PLCE1: variants seen among roughly 807,000 people sequenced by gnomAD.
PLCE1 encodes the protein phospholipase C epsilon 1, also known as 1-phosphatidylinositol 4,5-bisphosphate phosphodiesterase epsilon-1.
A neutral mutation model predicts 242.8 loss-of-function variants in PLCE1; 119 were observed. The ratio of observed to expected loss-of-function variants is 0.49; its 90% CI spans 0.42 to 0.57. PLCE1 has a LOEUF of 0.57. PLCE1 is among the 20% of genes least tolerant of loss of function. The pLI, the probability that PLCE1 is intolerant of heterozygous loss-of-function variation, is 0.00. For synonymous variants in PLCE1, 945 were observed against 1,017.4 expected (o/e 0.93, Z 1.35); for missense variants, 2,441 against 2,788.8 (o/e 0.88, Z 2.81).
At chr10:94,228,337 A>T (rs2137195503) in intron 5 of PLCE1, among the ~76,000 whole-genome samples, 1 of 152,340 alleles carries the variant, frequency 6.6e-6, no homozygotes, top group Middle Eastern at 3.4e-3. Flanking sequence ...TCCAGGAATC[A>T]AATCCTGATT....
intron 13 of PLCE1, among the ~76,000 whole-genome samples, chr10:94,261,813 T>C (rs1274987028): frequency 6.6e-6 from 1 of 152,148 alleles, no homozygotes; most frequent in African/African-American, 2.4e-5. Flanking sequence ...AAACAAATGC[T>C]TATATTAAAC....
intron 2 of PLCE1, among the ~76,000 whole-genome samples, chr10:94,071,728 G>A (rs1317979719): frequency 6.6e-6 from 1 of 151,680 alleles, no homozygotes; most frequent in African/African-American, 2.4e-5. Context: ...CAAACTCCTG[G>A]CCTCAAGTGA....
intron 3 of PLCE1, among the ~76,000 whole-genome samples, chr10:94,153,516 A>T (rs2047338277): frequency 6.6e-6 from 1 of 152,216 alleles, no homozygotes; most frequent in Admixed American, 6.5e-5. Flanking sequence ...AGAACCAAAA[A>T]AGATGTACTG....
intron 2 of PLCE1, among the ~76,000 whole-genome samples, chr10:94,106,787 A>C (rs568189076): frequency 6.6e-6 from 1 of 151,956 alleles, no homozygotes; most frequent in Non-Finnish European, 1.5e-5. Context: ...CTGGGAGCTC[A>C]TATTCTCTGC....
In PLCE1 at chr10:94,293,592, G is replaced by A. The variant is rs780873471; in HGVS notation, c.5120G>A (p.Arg1707Lys). ...RKSIFGNNPG[R>K]MSPGETASFN... ...TCCATTTTTGGCAACAATCCGGGCA[G>A]AATGAGCCCAGGGGAGACAGCATCA... Residue 1707 changes from arginine to lysine, a missense_variant, in exon 23 of 33, where the codon AGA becomes AAA. Physicochemically the swap from Arg to Lys is conservative, Grantham distance 26 (BLOSUM62 2). This residue lies in a region of PLCE1 where 1,004 missense variants were observed against 1,322.7 expected (regional missense o/e 0.76). Transcript: ENST00000371380. 11 of 1,613,890 alleles carry A rather than the reference G, an allele frequency of 6.8e-6. No individual in the cohort carries two copies. In the African/African-American group the frequency reaches 1.3e-4, roughly 20 times the overall value.
At chr10:94,285,085 T>A in intron 22 of PLCE1, 120 bp downstream of exon 22, 1 of 692,972 alleles carries the variant, frequency 1.4e-6, no homozygotes, top group Non-Finnish European at 2.6e-6. Flanking sequence ...CTGAAATCAT[T>A]GTTATAATAC....
In PLCE1 at chr10:94,171,165, G is replaced by C. The variant is rs1230417804; in HGVS notation, c.1493-15G>C. 6.2e-7 allele frequency: 1 copy of C among 1,612,490 alleles called. No individual in the cohort carries two copies. The highest frequency in any genetic ancestry group is 2.2e-5 in the East Asian group (1 of 44,878). On this transcript the variant is annotated splice_polypyrimidine_tract_variant and intron_variant, in intron 3 of 32. Coordinates refer to ENST00000371380, the MANE Select transcript of PLCE1 (RefSeq NM_016341.4). ...CAGATTTGATGTAACCACGACTTCT[G>C]TTGCTTTGTTTTAGAACGCCAGCCA...
intron 4 of PLCE1, among the ~76,000 whole-genome samples, chr10:94,213,903 T>C (rs1464246378): frequency 1.3e-5 from 2 of 151,806 alleles, no homozygotes; most frequent in African/African-American, 4.9e-5. Flanking sequence ...AGTTTATGAA[T>C]ATAAAGAGAC....
chr10:94,326,405 C>A (rs1011184198), intron 32 of PLCE1, among the ~76,000 whole-genome samples: 2 of 152,104 alleles, frequency 1.3e-5, no homozygotes, highest in African/African-American at 4.8e-5. Context: ...AACTGATGTC[C>A]TATATTACAC....
At chr10:94,307,284 C>T (rs1189287564) in intron 26 of PLCE1, among the ~76,000 whole-genome samples, 1 of 152,176 alleles carries the variant, frequency 6.6e-6, no homozygotes, top group African/African-American at 2.4e-5. Flanking sequence ...ATTCAGTGGC[C>T]TCAGGTGAAG....
intron 2 of PLCE1, among the ~76,000 whole-genome samples, chr10:94,073,479 C>T (rs1189537969): frequency 1.3e-5 from 2 of 152,090 alleles, no homozygotes; most frequent in Non-Finnish European, 2.9e-5. Flanking sequence ...GGGAAATATT[C>T]CAGGTGGAAG....
intron 15 of PLCE1, 23 bp downstream of exon 15, chr10:94,265,731 C>T: frequency 6.2e-7 from 1 of 1,612,946 alleles, no homozygotes; most frequent in Admixed American, 1.7e-5. Context: ...ATATCTTTTG[C>T]CCATCTTTTA....
At chr10:94,078,938 G>C (rs1014978921) in intron 2 of PLCE1, among the ~76,000 whole-genome samples, 1 of 152,204 alleles carries the variant, frequency 6.6e-6, no homozygotes, top group Admixed American at 6.5e-5. Flanking sequence ...GCTTCTGGAA[G>C]TTGAGGATGT....
intron 4 of PLCE1, among the ~76,000 whole-genome samples, chr10:94,208,218 C>T (rs866170061): frequency 6.6e-6 from 1 of 152,182 alleles, no homozygotes; most frequent in Non-Finnish European, 1.5e-5. Flanking sequence ...ATTGACATCA[C>T]CAGTGATGCA....
At chr10:94,207,582 G>C (rs907907978) in intron 4 of PLCE1, among the ~76,000 whole-genome samples, 2 of 151,090 alleles carry the variant, frequency 1.3e-5, no homozygotes, top group Non-Finnish European at 2.9e-5. Flanking sequence ...AGCTCTGTCT[G>C]TCTAGGAAAC....
At chr10:94,265,996 A>G (rs2051501157) in intron 16 of PLCE1, 38 bp downstream of exon 16, 1 of 1,602,304 alleles carries the variant, frequency 6.2e-7, no homozygotes, top group Non-Finnish European at 8.6e-7. Flanking sequence ...TTTTTATTAA[A>G]CCTAATTATT....
chr10:94,145,436 G>C (rs2047083990), intron 3 of PLCE1, among the ~76,000 whole-genome samples: 1 of 152,194 alleles, frequency 6.6e-6, no homozygotes, highest in African/African-American at 2.4e-5. Flanking sequence ...ACTATGAGTT[G>C]TAGCAGTGTT....
chr10:94,234,403 C>A lies in PLCE1; in HGVS notation c.2214+91C>A, dbSNP rs567932152. ...TCTGTGCTCACCAAAGAAATGATCA[C>A]TGATTGAACACAGGGTTAATAGTTG... On this transcript the variant is annotated intron_variant, in intron 6 of 32. Coordinates refer to ENST00000371380, the MANE Select transcript of PLCE1 (RefSeq NM_016341.4). The A allele has an allele frequency of 3.1e-6, 4 of 1,300,342 alleles. No homozygotes were observed. The South Asian group carries it at 4.8e-5, about 15-fold the overall frequency. 80.6% of individuals were successfully genotyped at this position (1,300,342 alleles called of 1,614,324 possible).
intron 1 of PLCE1, among the ~76,000 whole-genome samples, chr10:93,998,810 C>T (rs921399673): frequency 9.2e-5 from 14 of 152,152 alleles, no homozygotes; most frequent in Middle Eastern, 3.4e-3. Context: ...TGTTACTTTA[C>T]GTGACAAAAG....
Sources: gnomAD v4.1 joint callset for allele counts (sites outside exome capture counted in the v4.1 genomes callset) on GRCh38, gnomAD v4.1.1 for gene constraint, gnomAD v4.1.1 regional missense constraint, MANE v1.5 for transcripts, NCBI Gene and HGNC (gene_info 2026-07-23, HGNC 2026-07-21) for gene names.